The following CCDC91 variants were observed in gnomAD, a reference collection of about 807,000 sequenced individuals.
CCDC91 encodes coiled-coil domain containing 91, also known as coiled-coil domain-containing protein 91.
CCDC91 carries 48 observed loss-of-function variants against 63.2 expected under a neutral mutation model. The observed-to-expected ratio is 0.76, with a 90% CI of 0.60 to 0.97. CCDC91 has a LOEUF of 0.97. CCDC91 is among the 50% of genes least tolerant of loss of function. The pLI, the probability that CCDC91 is intolerant of heterozygous loss-of-function variation, is 0.00. For missense variants in CCDC91, 500 were observed against 494.6 expected, an observed-to-expected ratio of 1.01 and a Z score of -0.10; for synonymous variants, 167 against 165.8, an observed-to-expected ratio of 1.01 and a Z score of -0.06.
At chr12:28,496,508 C>A (rs1454945270) in intron 12 of CCDC91, among the ~76,000 whole-genome samples, 2 of 151,516 alleles carry the variant, frequency 1.3e-5, no homozygotes, top group Admixed American at 6.6e-5. Context: ...GGGAGGATAT[C>A]AAAAATCAGA....
At chr12:28,487,524 T>A (rs1951788626) in intron 12 of CCDC91, among the ~76,000 whole-genome samples, 1 of 151,836 alleles carries the variant, frequency 6.6e-6, no homozygotes, top group Non-Finnish European at 1.5e-5. Flanking sequence ...ATTCATAATC[T>A]TCTTGTCTGT....
chr12:28,343,890 A>T (rs1480994742), intron 6 of CCDC91, among the ~76,000 whole-genome samples: 2 of 152,100 alleles, frequency 1.3e-5, no homozygotes, highest in African/African-American at 4.8e-5. Flanking sequence ...ATTTTAGGAA[A>T]ATTGACATTA....
At chr12:28,324,178 C>T (rs1404583902) in intron 6 of CCDC91, among the ~76,000 whole-genome samples, 2 of 151,440 alleles carry the variant, frequency 1.3e-5, no homozygotes, top group South Asian at 2.1e-4. Flanking sequence ...ATATTTAGAA[C>T]ATTTAGAAAA....
chr12:28,244,494 CTTTTTTTTTT>C (rs3064681), intron 1 of CCDC91, among the ~76,000 whole-genome samples: 11 of 38,422 alleles, frequency 2.9e-4, no homozygotes, highest in South Asian at 1.5e-3. Flanking sequence ...TAGAAGAAGG[CTTTTTTTTTT>C]TTTTTTTTTT....
At chr12:28,464,195 G>T (rs2140503198) in intron 11 of CCDC91, among the ~76,000 whole-genome samples, 1 of 152,328 alleles carries the variant, frequency 6.6e-6, no homozygotes, top group Non-Finnish European at 1.5e-5. Context: ...GTAGGAACTT[G>T]AGTTCCCCCA....
chr12:28,229,285 C>A (rs1944451530), intron 1 of CCDC91, among the ~76,000 whole-genome samples: 1 of 151,488 alleles, frequency 6.6e-6, no homozygotes, highest in South Asian at 2.1e-4. Context: ...CTAATTTCTT[C>A]ATAGCTTTTA....
At chr12:28,335,967 C>T (rs1226940446) in intron 6 of CCDC91, among the ~76,000 whole-genome samples, 1 of 149,910 alleles carries the variant, frequency 6.7e-6, no homozygotes. Context: ...AAAAACCACA[C>T]AATTTTTTAT....
At chr12:28,475,496 A>T (rs1360574478) in intron 11 of CCDC91, among the ~76,000 whole-genome samples, 1 of 152,112 alleles carries the variant, frequency 6.6e-6, no homozygotes, top group African/African-American at 2.4e-5. Context: ...GATAGAGTTT[A>T]CAGAAGGGCT....
At chr12:28,417,775 C>T (rs1947769077) in intron 8 of CCDC91, among the ~76,000 whole-genome samples, 1 of 151,918 alleles carries the variant, frequency 6.6e-6, no homozygotes, top group Non-Finnish European at 1.5e-5. Context: ...AAGTTTCAAC[C>T]ATGCAATACT....
intron 3 of CCDC91, among the ~76,000 whole-genome samples, chr12:28,267,306 A>G (rs1347573629): frequency 6.6e-6 from 1 of 151,686 alleles, no homozygotes; most frequent in East Asian, 1.9e-4. Flanking sequence ...TTTTTCCACA[A>G]TAATTTGGAG....
At chr12:28,436,650 CTTG>C (rs1233549497) in intron 8 of CCDC91, among the ~76,000 whole-genome samples, 6 of 151,772 alleles carry the variant, frequency 4.0e-5, no homozygotes, top group Non-Finnish European at 7.4e-5. Flanking sequence ...TTTAACATGT[CTTG>C]TTGAGCAGAT....
At chr12:28,526,375 C>G (rs1288180448) in intron 12 of CCDC91, among the ~76,000 whole-genome samples, 2 of 151,962 alleles carry the variant, frequency 1.3e-5, no homozygotes, top group Admixed American at 6.6e-5. Flanking sequence ...CTTAGTTTTG[C>G]TGGGTACAAA....
intron 3 of CCDC91, among the ~76,000 whole-genome samples, chr12:28,293,362 A>G (rs1289823362): frequency 6.6e-6 from 1 of 152,244 alleles, no homozygotes; most frequent in South Asian, 2.1e-4. Flanking sequence ...TAATATTCAC[A>G]TACTGTAACT....
chr12:28,393,278 A>G (rs1946063075), intron 8 of CCDC91, among the ~76,000 whole-genome samples: 2 of 152,124 alleles, frequency 1.3e-5, no homozygotes, highest in Non-Finnish European at 1.5e-5. Flanking sequence ...GTTAAGGGTA[A>G]TGATTCCTTT....
At chr12:28,412,498 G>T (rs1015577944) in intron 8 of CCDC91, among the ~76,000 whole-genome samples, 2 of 152,140 alleles carry the variant, frequency 1.3e-5, no homozygotes, top group African/African-American at 4.8e-5. Flanking sequence ...TTCTGTGTCT[G>T]GAGTTGGTTC....
chr12:28,339,952 G>A (rs1942293803), intron 6 of CCDC91, among the ~76,000 whole-genome samples: 1 of 151,966 alleles, frequency 6.6e-6, no homozygotes. Context: ...GTATTAATAT[G>A]AATATACACA....
intron 12 of CCDC91, among the ~76,000 whole-genome samples, chr12:28,486,971 G>A (rs1951759585): frequency 6.6e-6 from 1 of 151,924 alleles, no homozygotes; most frequent in Non-Finnish European, 1.5e-5. Context: ...CAATAAATAT[G>A]TGTTATGCTT....
chr12:28,421,257 A>G (rs1424250813), intron 8 of CCDC91, among the ~76,000 whole-genome samples: 1 of 152,120 alleles, frequency 6.6e-6, no homozygotes, highest in Non-Finnish European at 1.5e-5. Flanking sequence ...GGTTTGTTAT[A>G]TAGGTAAGTT....
intron 8 of CCDC91, among the ~76,000 whole-genome samples, chr12:28,425,393 C>G (rs904415420): frequency 6.6e-6 from 1 of 152,026 alleles, no homozygotes; most frequent in African/African-American, 2.4e-5. Flanking sequence ...ACTCCTAGCC[C>G]TCTCCCCTTT....
Sources: allele counts gnomAD v4.1 joint callset (sites outside exome capture counted in the v4.1 genomes callset), GRCh38; gene constraint gnomAD v4.1.1; transcripts MANE v1.5; gene names NCBI Gene and HGNC (gene_info 2026-07-23, HGNC 2026-07-21).